Variants in GLIS3 observed in about 807,000 individuals in gnomAD.
GLIS3 encodes the protein zinc finger protein GLIS3.
A neutral mutation model predicts 78.6 loss-of-function variants in GLIS3; 53 were observed. The observed-to-expected ratio is 0.67, with a 90% CI of 0.54 to 0.85. The LOEUF (loss-of-function observed/expected upper bound fraction) is 0.85. Among genes scored for constraint, GLIS3 ranks in the 40% least tolerant of loss-of-function variants. The pLI is 0.00. For missense variants in GLIS3, 1,703 were observed against 1,231.1 expected (o/e 1.38, Z -5.74); for synonymous variants, 684 against 509.9 (o/e 1.34, Z -4.60).
At chr9:3,879,080 T>C (rs1046095580) in intron 8 of GLIS3, among the ~76,000 whole-genome samples, 1 of 152,110 alleles carries the variant, frequency 6.6e-6, no homozygotes, top group Non-Finnish European at 1.5e-5. Context: ...GAGGGCACCA[T>C]CTGACATCGG....
rs543627608 is a variant in GLIS3 at position 4,078,335 on chromosome 9, G to A, written c.1710+39433C>T. 1.9e-4 allele frequency among the ~76,000 whole-genome samples: 29 copies of A among 152,164 alleles called. 1 individual carries two copies. Among genetic ancestry groups the A allele is most frequent in the African/African-American group, 5.8e-4 (24 of 41,516 alleles). ...TGGCCCCATTCCACCAGATGCTTCTGCAAAGTCCTGCTCCTGACCCATTCT... is the reference window on the plus strand; with the variant it reads ...TGGCCCCATTCCACCAGATGCTTCTACAAAGTCCTGCTCCTGACCCATTCT... On this transcript the variant is annotated intron_variant, in intron 4 of 10. Coordinates refer to ENST00000381971, the MANE Select transcript of GLIS3 (RefSeq NM_001042413.2).
At chr9:3,860,479 C>T (rs935727219) in intron 8 of GLIS3, among the ~76,000 whole-genome samples, 12 of 152,066 alleles carry the variant, frequency 7.9e-5, no homozygotes, top group Non-Finnish European at 1.5e-4. Context: ...CCCAGCCATG[C>T]AGTGGGGTGG....
intron 2 of GLIS3, among the ~76,000 whole-genome samples, chr9:4,317,148 G>T (rs1418093497): frequency 6.6e-6 from 1 of 152,164 alleles, no homozygotes; most frequent in Admixed American, 6.5e-5. Flanking sequence ...AGTGCCTTTC[G>T]ACTGCAAGGT....
rs900004793 is a variant in GLIS3 at position 3,919,005 on chromosome 9, G to T, written c.1983+13355C>A. Among the ~76,000 whole-genome samples the T allele has an allele frequency of 2.6e-5, 4 of 152,290 alleles. No individual in the cohort carries two copies. In the East Asian group the frequency reaches 7.7e-4, roughly 29 times the overall value. ...TGACCCTACATATATGGAAGAGGGT[G>T]GGAAAGTGCCCTGAAGGATGGAATG... On this transcript the variant is annotated intron_variant, in intron 6 of 10. Coordinates refer to ENST00000381971, the MANE Select transcript of GLIS3 (RefSeq NM_001042413.2).
intron 2 of GLIS3, among the ~76,000 whole-genome samples, chr9:4,224,103 TCACA>T (rs1171159751): frequency 6.6e-6 from 1 of 151,866 alleles, no homozygotes; most frequent in African/African-American, 2.4e-5. Context: ...AGCTTGCAAA[TCACA>T]CACAGTGGGC....
chr9:4,438,582 A>G, the GLIS3 span, among the ~76,000 whole-genome samples: 594 of 152,302 alleles, frequency 3.9e-3, 3 homozygotes, highest in African/African-American at 0.013. Flanking sequence ...GCATGTTGAC[A>G]TGGTTTGGCT....
chr9:4,295,504 A>G (rs1816401312), intron 1 of GLIS3, among the ~76,000 whole-genome samples: 1 of 152,182 alleles, frequency 6.6e-6, no homozygotes, highest in Non-Finnish European at 1.5e-5. Flanking sequence ...TGTTGAGCGA[A>G]AGAAGCCAGA....
At chr9:4,403,736 A>G in the GLIS3 span, among the ~76,000 whole-genome samples, 1 of 152,200 alleles carries the variant, frequency 6.6e-6, no homozygotes, top group Non-Finnish European at 1.5e-5. Flanking sequence ...CACAAAATAA[A>G]AAGCAAGAAA....
rs541449590 is a variant in GLIS3, at chr9:4,243,273, T to G, written c.388+42765A>C. ...CAGTACAGGAAGGAGGAAGAGGAAG[T>G]GGCCAGAAAGGATCAGTCAGAGTGA... is the stretch of plus-strand genomic sequence containing the variant. On this transcript the variant is annotated intron_variant, in intron 2 of 10. Coordinates refer to ENST00000381971, the MANE Select transcript of GLIS3 (RefSeq NM_001042413.2). Among the ~76,000 whole-genome samples the G allele has an allele frequency of 2.0e-4, 31 of 152,304 alleles. 1 individual carries two copies. The highest frequency in any genetic ancestry group is 7.0e-4 in the African/African-American group (29 of 41,566).
At chr9:4,025,036 G>C (rs1163694369) in intron 4 of GLIS3, among the ~76,000 whole-genome samples, 1 of 152,050 alleles carries the variant, frequency 6.6e-6, no homozygotes, top group African/African-American at 2.4e-5. Flanking sequence ...ATCACCTTGA[G>C]GTCAGGAGTT....
the GLIS3 span, among the ~76,000 whole-genome samples, chr9:4,454,919 T>A: frequency 1.4e-4 from 21 of 152,338 alleles, no homozygotes; most frequent in East Asian, 2.9e-3. Context: ...CCTTTAATTC[T>A]ACATTTTTCC....
At chr9:4,201,652 G>C (rs190880820) in intron 2 of GLIS3, among the ~76,000 whole-genome samples, 1 of 151,464 alleles carries the variant, frequency 6.6e-6, no homozygotes, top group Admixed American at 6.6e-5. Flanking sequence ...TCTACAACAA[G>C]AACTACAAAA....
At chr9:4,186,172 C>G (rs1051122688) in intron 2 of GLIS3, among the ~76,000 whole-genome samples, 2 of 143,056 alleles carry the variant, frequency 1.4e-5, no homozygotes, top group African/African-American at 5.3e-5. Flanking sequence ...CAACAGTACC[C>G]AGAGTGTGAT....
chr9:4,237,589 G>A (rs1319884812), intron 2 of GLIS3, among the ~76,000 whole-genome samples: 3 of 152,090 alleles, frequency 2.0e-5, no homozygotes, highest in Non-Finnish European at 4.4e-5. Flanking sequence ...TTTCAGTGTA[G>A]CACTTTCATT....
At chr9:4,369,100 G>C in the GLIS3 span, among the ~76,000 whole-genome samples, 3 of 152,048 alleles carry the variant, frequency 2.0e-5, no homozygotes, top group African/African-American at 7.2e-5. Context: ...TTCTTATTAT[G>C]TATCTCTTTG....
intron 2 of GLIS3, among the ~76,000 whole-genome samples, chr9:4,202,145 C>CTT: frequency 9.2e-6 from 1 of 108,756 alleles, no homozygotes; most frequent in African/African-American, 3.4e-5. Flanking sequence ...TTTTTCTCCC[C>CTT]CTTTTTCTTT....
At chr9:4,081,835 A>G (rs1828576971) in intron 4 of GLIS3, among the ~76,000 whole-genome samples, 1 of 152,166 alleles carries the variant, frequency 6.6e-6, no homozygotes, top group Non-Finnish European at 1.5e-5. Context: ...CAATTCTACA[A>G]TCATTACCAA....
chr9:4,186,515 C>G (rs1016377986), intron 2 of GLIS3, among the ~76,000 whole-genome samples: 21 of 151,840 alleles, frequency 1.4e-4, no homozygotes, highest in East Asian at 1.2e-3. Flanking sequence ...TATATACCCA[C>G]TAATGGGATG....
chr9:4,091,153 G>C (rs911087053), intron 4 of GLIS3, among the ~76,000 whole-genome samples: 16 of 152,110 alleles, frequency 1.1e-4, no homozygotes, highest in Admixed American at 2.6e-4. Context: ...CCAGGAGGTG[G>C]AGACCAGCCT....
Sources: gnomAD v4.1 joint callset for allele counts (sites outside exome capture counted in the v4.1 genomes callset) on GRCh38, gnomAD v4.1.1 for gene constraint, MANE v1.5 for transcripts, NCBI Gene and HGNC (gene_info 2026-07-23, HGNC 2026-07-21) for gene names.